Variants in PCDHGA8 observed in about 807,000 individuals in gnomAD.
PCDHGA8 encodes the protein protocadherin gamma subfamily A, 8.
In PCDHGA8, 45 loss-of-function variants were observed where a neutral mutation model predicts 59.2. That is an observed-to-expected ratio of 0.76 (90% confidence interval 0.60 to 0.98). The LOEUF (loss-of-function observed/expected upper bound fraction) is 0.98. PCDHGA8 is among the 50% of genes least tolerant of loss of function. The probability of loss-of-function intolerance (pLI) is 0.00; values close to 1 mark genes in which losing one functional copy is unlikely to be tolerated. For synonymous variants in PCDHGA8, 531 were observed against 519.0 expected, an observed-to-expected ratio of 1.02 and a Z score of -0.32; for missense variants, 1,257 against 1,196.2, an observed-to-expected ratio of 1.05 and a Z score of -0.75.
chr5:141,418,635 C>G, intron 1 of PCDHGA8: 1 of 1,614,018 alleles, frequency 6.2e-7, no homozygotes. Flanking sequence ...CCTCCAGGCA[C>G]CTCCATCCTG....
At position 141,487,741 on chromosome 5, in the gene PCDHGA8, A is replaced by C. The variant is rs773413559; in HGVS notation, c.2425-7066A>C. 1.6e-4 allele frequency: 247 copies of C among 1,561,638 alleles called. 1 individual carries two copies. The highest frequency in any genetic ancestry group is 2.1e-4 in the Non-Finnish European group (244 of 1,151,698). On this transcript the variant is annotated intron_variant, in intron 1 of 3. Coordinates refer to ENST00000398604, the MANE Select transcript of PCDHGA8 (RefSeq NM_032088.2). This position sits in a 1 kb window ranked among gnomAD's most constrained non-coding sequence, Gnocchi z 5.0. ...ATAGTGATGTCACCATTTTTGTAAG[A>C]GGTAACTATGTGGTAGACGCTGTGC... is the stretch of plus-strand genomic sequence containing the variant.
chr5:141,392,830 G>A lies in PCDHGA8; in HGVS notation c.17G>A (p.Ser6Asn), dbSNP rs747812941. ...AAAACAACAATGGCCGCTCCACAGA[G>A]TCGCCCCAGACGCGGCGAGCTGATC... Reference protein sequence around the residue: MAAPQSRPRRGELILL... With the variant: MAAPQNRPRRGELILL... Residue 6 changes from serine (S) to asparagine (N), a missense_variant, in exon 1 of 4, where the codon AGT becomes AAT. By Grantham distance (46) the Ser-to-Asn change is conservative. Transcript: ENST00000398604. The A allele has an allele frequency of 1.6e-5, 26 of 1,604,568 alleles. No individual in the cohort carries two copies. Among genetic ancestry groups the A allele is most frequent in the Non-Finnish European group, 2.0e-5 (24 of 1,175,404 alleles).
At chr5:141,400,629 C>A (rs1416723451) in intron 1 of PCDHGA8, 1 of 1,389,786 alleles carries the variant, frequency 7.2e-7, no homozygotes, top group African/African-American at 1.4e-5. Context: ...TTAGGGAAGT[C>A]AGAGCTGCTC....
chr5:141,408,437 G>A (rs368564960), intron 1 of PCDHGA8: 1 of 1,614,068 alleles, frequency 6.2e-7, no homozygotes, highest in Admixed American at 1.7e-5. Flanking sequence ...CAGCGTAGAC[G>A]CGGAGAGCGG....
intron 1 of PCDHGA8, among the ~76,000 whole-genome samples, chr5:141,443,690 A>C (rs2098399415): frequency 6.6e-6 from 1 of 152,224 alleles, no homozygotes; most frequent in Non-Finnish European, 1.5e-5. Flanking sequence ...AACACTTCAA[A>C]AATTATAGAA....
Position 141,395,121 on chromosome 5 carries a change from T to G in PCDHGA8, c.2308T>G (p.Phe770Val), listed in dbSNP as rs773964445. 1.2e-6 allele frequency: 2 copies of G among 1,614,192 alleles called. No individual in the cohort carries two copies. The highest frequency in any genetic ancestry group is 3.3e-5 in the Admixed American group (2 of 60,024). Residue 770 changes from phenylalanine to valine, a missense_variant, in exon 1 of 4, where the codon TTT becomes GTT. Coordinates refer to ENST00000398604, the MANE Select transcript of PCDHGA8 (RefSeq NM_032088.2). ...TADSRKSHLI[F>V]PQPNYADMLI... is the part of the protein sequence containing the mutation. ...CGACTCGCGGAAGAGTCACCTGATCTTTCCCCAGCCCAACTACGCAGACAT... is the reference window on the plus strand; with the variant it reads ...CGACTCGCGGAAGAGTCACCTGATCGTTCCCCAGCCCAACTACGCAGACAT...
rs2099170089 is a variant in PCDHGA8, at chr5:141,468,602, C to T, written c.2425-26205C>T. On this transcript the variant is annotated intron_variant, in intron 1 of 3. Coordinates refer to ENST00000398604, the MANE Select transcript of PCDHGA8 (RefSeq NM_032088.2). ...GTACTAAAGGCTGGGCGCGGTGGCT[C>T]ACGCCTGTAATCCCAGCACTTTGGG... The T allele has an allele frequency of 2.6e-5, 4 of 152,284 alleles. No individual in the cohort carries two copies. The South Asian group carries it at 8.3e-4, about 32-fold the overall frequency. 9.4% of individuals were successfully genotyped at this position (152,284 alleles called of 1,614,324 possible).
chr5:141,407,958 A>G lies in PCDHGA8; in HGVS notation c.2424+12721A>G, dbSNP rs1018466165. On this transcript the variant is annotated intron_variant, in intron 1 of 3. Transcript: ENST00000398604. ...TGGGCGCCGCTGTCGGCCAGTGCAG[A>G]GCAAGCGCTGACGCCGGGGATCCGT... 5 of 660,632 alleles carry G rather than the reference A, an allele frequency of 7.6e-6. No homozygotes were observed. In the South Asian group the frequency reaches 1.2e-4, roughly 15 times the overall value. 40.9% of individuals were successfully genotyped at this position (660,632 alleles called of 1,614,324 possible).
intron 1 of PCDHGA8, among the ~76,000 whole-genome samples, chr5:141,458,408 C>A (rs895785923): frequency 6.6e-6 from 1 of 151,932 alleles, no homozygotes; most frequent in East Asian, 1.9e-4. Flanking sequence ...AGAGACGGAG[C>A]GGGGGTTCCA....
rs1209758237 is a variant in PCDHGA8, at chr5:141,394,277, T to C, written c.1464T>C (p.Thr488=). ...ACAGCCAGGAGAATGCCCAGGTCAC[T>C]TACTCTGTGACCGAGGACACGCTGC... The part of the protein sequence containing the change: ...DPDSQENAQV[T]YSVTEDTLQG... Residue 488 remains threonine (T), a synonymous_variant, in exon 1 of 4, where the codon ACT becomes ACC. Transcript: ENST00000398604. 1 of 1,613,946 alleles carries C rather than the reference T, an allele frequency of 6.2e-7. No homozygotes were observed. Among genetic ancestry groups the C allele is most frequent in the South Asian group, 1.1e-5 (1 of 91,074 alleles).
rs2092629176 is a variant in PCDHGA8, at chr5:141,392,922, G to A, written c.109G>A (p.Glu37Lys). The change falls in exon 1 of 4, where the codon GAA (glutamate) becomes AAA (lysine). Residue 37 changes from glutamate to lysine, a missense_variant. Glu to Lys is a moderately conservative substitution (Grantham distance 56). Coordinates refer to ENST00000398604, the MANE Select transcript of PCDHGA8 (RefSeq NM_032088.2). Reference protein sequence around the residue: ...GRGQIRYSVPEETDKGSFVGN... With the variant: ...GRGQIRYSVPKETDKGSFVGN... ...GGGACAGATTCGCTACTCTGTGCCAGAAGAGACGGACAAAGGCTCCTTCGT... is the reference window on the plus strand; with the variant it reads ...GGGACAGATTCGCTACTCTGTGCCAAAAGAGACGGACAAAGGCTCCTTCGT... 6.2e-7 allele frequency: 1 copy of A among 1,613,946 alleles called. No homozygotes were observed. Among genetic ancestry groups the A allele is most frequent in the African/African-American group, 1.3e-5 (1 of 75,070 alleles).
intron 1 of PCDHGA8, among the ~76,000 whole-genome samples, chr5:141,452,416 C>T (rs2098741061): frequency 6.6e-6 from 1 of 152,144 alleles, no homozygotes; most frequent in African/African-American, 2.4e-5. Context: ...GAGGTATGCT[C>T]ACTGCTAATG....
In PCDHGA8 at chr5:141,490,761, G is replaced by GTA. The variant is rs1380770489; in HGVS notation, c.2425-4044_2425-4043dup. The GTA allele has an allele frequency of 6.2e-7, 1 of 1,614,048 alleles. No individual in the cohort carries two copies. The highest frequency in any genetic ancestry group is 1.3e-5 in the African/African-American group (1 of 74,920). On this transcript the variant is annotated intron_variant, in intron 1 of 3. Coordinates refer to ENST00000398604, the MANE Select transcript of PCDHGA8 (RefSeq NM_032088.2). The surrounding 1 kb of genome is among the most constrained non-coding windows in gnomAD (Gnocchi z 5.4). ...AGGGAGCCCCAGCCTCCTCCTTTGT[G>GTA]TATGTCAACCCAGAGGATGGACGGA...
intron 1 of PCDHGA8, among the ~76,000 whole-genome samples, chr5:141,463,545 T>C (rs1433047951): frequency 6.8e-6 from 1 of 146,704 alleles, no homozygotes; most frequent in East Asian, 2.1e-4. Flanking sequence ...GGCTCCCGGG[T>C]TCATGCCATT....
chr5:141,472,254 T>C (rs1031738513), intron 1 of PCDHGA8, among the ~76,000 whole-genome samples: 1 of 152,074 alleles, frequency 6.6e-6, no homozygotes, highest in Admixed American at 6.6e-5. Context: ...TTTAAAGTTA[T>C]ATTATAGCCG....
chr5:141,478,394 G>A, intron 1 of PCDHGA8: 1 of 1,613,586 alleles, frequency 6.2e-7, no homozygotes, highest in Non-Finnish European at 8.5e-7. Context: ...TTACCATCAG[G>A]TGTATCTCAC....
At chr5:141,428,066 A>T in intron 1 of PCDHGA8, 2 of 1,609,118 alleles carry the variant, frequency 1.2e-6, no homozygotes, top group Non-Finnish European at 1.7e-6. Context: ...CGGTGGACGC[A>T]GATTCGGGAC....
chr5:141,511,003 G>T lies in PCDHGA8; in HGVS notation c.2629G>T (p.Ala877Ser), dbSNP rs114669158. ...GGGAGTMGLS[A>S]RYGPQFTLQH... The stretch of plus-strand genomic sequence containing the variant: ...GGGTGCCGGCACCATGGGATTGAGC[G>T]CCCGCTACGGACCCCAGTTCACCCT... Residue 877 changes from alanine to serine, a missense_variant, in exon 4 of 4, where the codon GCC (alanine) becomes TCC (serine). Coordinates refer to ENST00000398604, the MANE Select transcript of PCDHGA8 (RefSeq NM_032088.2). 2 of 1,614,032 alleles carry T rather than the reference G, an allele frequency of 1.2e-6. No individual in the cohort carries two copies. Among genetic ancestry groups the T allele is most frequent in the Non-Finnish European group, 1.7e-6 (2 of 1,180,020 alleles).
At chr5:141,416,576 A>C (rs1300203182) in intron 1 of PCDHGA8, 2 of 152,204 alleles carry the variant, frequency 1.3e-5, no homozygotes, top group Non-Finnish European at 2.9e-5. Flanking sequence ...TGAAATTGAG[A>C]GGCAAAATAA....
Sources: gnomAD v4.1 joint callset for allele counts (sites outside exome capture counted in the v4.1 genomes callset) on GRCh38, gnomAD v4.1.1 for gene constraint, Gnocchi (gnomAD v3.1) non-coding constraint, MANE v1.5 for transcripts, NCBI Gene and HGNC (gene_info 2026-07-23, HGNC 2026-07-21) for gene names.